CAPN9: variants seen among roughly 807,000 people sequenced by gnomAD.
CAPN9 encodes calpain-9.
Under a neutral mutation model 92.8 loss-of-function variants are expected in CAPN9, and 81 were observed. The ratio of observed to expected loss-of-function variants is 0.87; its 90% CI spans 0.73 to 1.05. The LOEUF is 1.05. Among genes scored for constraint, CAPN9 ranks in the 50% least tolerant of loss-of-function variants. The pLI, the probability that CAPN9 is intolerant of heterozygous loss-of-function variation, is 0.00. For synonymous variants in CAPN9, 304 were observed against 328.0 expected (o/e 0.93, Z 0.79); for missense variants, 848 against 866.2 (o/e 0.98, Z 0.26).
rs146018695 is a variant in CAPN9, at chr1:230,800,103, G to A, written c.2047-1467G>A. On this transcript the variant is annotated intron_variant, in intron 19 of 19. Transcript: ENST00000271971. ...TGAGGCAGGAGAATGGCATGAACCC[G>A]GGAGGTGGAGCTTACAGTGAGCCAA... 1.5e-3 allele frequency among the ~76,000 whole-genome samples: 225 copies of A among 151,026 alleles called. 1 individual carries two copies. Among genetic ancestry groups the A allele is most frequent in the African/African-American group, 4.9e-3 (203 of 41,106 alleles).
At position 230,755,396 on chromosome 1, in the gene CAPN9, G is replaced by A. The variant is rs769325541; in HGVS notation, c.273G>A (p.Gln91=). The A allele has an allele frequency of 2.5e-6, 4 of 1,607,126 alleles. No homozygotes were observed. The highest frequency in any genetic ancestry group is 3.4e-6 in the Non-Finnish European group (4 of 1,177,172). ...LGGATRTDIC[Q]GELGDCWLLA... is the part of the protein sequence containing the mutation. ...GGGCCACCAGGACTGATATCTGCCAGGGAGAGCTGGGTGAGTGTAAGTGGA... is the reference window on the plus strand; with the variant it reads ...GGGCCACCAGGACTGATATCTGCCAAGGAGAGCTGGGTGAGTGTAAGTGGA... The change falls in exon 2 of 20, where the codon CAG becomes CAA. Residue 91 remains glutamine, a synonymous_variant. Transcript: ENST00000271971.
intron 8 of CAPN9, among the ~76,000 whole-genome samples, chr1:230,777,153 G>A (rs1351986269): frequency 6.6e-6 from 1 of 152,220 alleles, no homozygotes; most frequent in Non-Finnish European, 1.5e-5. Context: ...AGAAACCAGA[G>A]TTTGAGAGGC....
Position 230,795,602 on chromosome 1 carries a change from C to T in CAPN9, c.1987+323C>T, listed in dbSNP as rs1668301674. The T allele has an allele frequency of 1.1e-5, 3 of 264,166 alleles. No individual in the cohort carries two copies. The South Asian group carries it at 1.3e-4, about 12-fold the overall frequency. 16.4% of individuals were successfully genotyped at this position (264,166 alleles called of 1,614,324 possible). A position where few individuals can be genotyped will look rare whatever the true frequency, so the allele number is the denominator to read the frequency against. On this transcript the variant is annotated intron_variant, in intron 18 of 19. Transcript: ENST00000271971. The stretch of plus-strand genomic sequence containing the variant: ...CAAATCCCATCATAGCATATAGAAA[C>T]AGGAGAGTCTCAGTCCCCCTTCCTC...
At chr1:230,751,577 GAAAGAAAC>G (rs1418727098) in intron 1 of CAPN9, among the ~76,000 whole-genome samples, 5 of 43,468 alleles carry the variant, frequency 1.2e-4, no homozygotes, top group African/African-American at 5.5e-4. Flanking sequence ...AAAGAAAGAA[GAAAGAAAC>G]AAAGAAAGAA....
chr1:230,752,752 C>T, intron 1 of CAPN9: 1 of 966,408 alleles, frequency 1.0e-6, no homozygotes, highest in Non-Finnish European at 1.2e-6. Flanking sequence ...GCATTGCTTG[C>T]CAGGGCTATC....
intron 15 of CAPN9, 64 bp downstream of exon 15, chr1:230,791,992 A>AG: frequency 8.7e-7 from 1 of 1,149,228 alleles, no homozygotes; most frequent in East Asian, 2.3e-5. Flanking sequence ...CAGTAGAGTA[A>AG]TCTTCAATAG....
intron 11 of CAPN9, among the ~76,000 whole-genome samples, chr1:230,782,351 G>A (rs1667279819): frequency 6.6e-6 from 1 of 152,204 alleles, no homozygotes; most frequent in Non-Finnish European, 1.5e-5. Flanking sequence ...AAAGGGTTAT[G>A]TTATGGATGC....
intron 17 of CAPN9, 70 bp downstream of exon 17, chr1:230,792,998 T>C: frequency 1.7e-6 from 2 of 1,155,166 alleles, no homozygotes; most frequent in Non-Finnish European, 2.6e-6. Context: ...CCTGAGCAGA[T>C]GGCAGGTCTT....
intron 8 of CAPN9, 106 bp from the exon 9 acceptor site, chr1:230,778,867 G>A: frequency 9.2e-7 from 1 of 1,085,162 alleles, no homozygotes; most frequent in Non-Finnish European, 1.3e-6. Context: ...CTTGCGGACA[G>A]GAACAAGATG....
At chr1:230,754,148 G>T (rs1024952379) in intron 1 of CAPN9, among the ~76,000 whole-genome samples, 9 of 152,030 alleles carry the variant, frequency 5.9e-5, no homozygotes, top group African/African-American at 2.2e-4. Context: ...AAGGGGCGGG[G>T]CTTCCGAGAG....
chr1:230,755,393 C>G lies in CAPN9; in HGVS notation c.270C>G (p.Cys90Trp). ...GAGGGGCCACCAGGACTGATATCTG[C>G]CAGGGAGAGCTGGGTGAGTGTAAGT... ...ILGGATRTDI[C>W]QGELGDCWLL... Residue 90 changes from cysteine to tryptophan, a missense_variant, in exon 2 of 20, where the codon TGC becomes TGG. Cys to Trp is a radical substitution (Grantham distance 215, BLOSUM62 -2). Coordinates refer to ENST00000271971, the MANE Select transcript of CAPN9 (RefSeq NM_006615.3). 6.2e-7 allele frequency: 1 copy of G among 1,606,566 alleles called. No individual in the cohort carries two copies. The highest frequency in any genetic ancestry group is 8.5e-7 in the Non-Finnish European group (1 of 1,176,898).
Position 230,780,568 on chromosome 1 carries a change from G to A in CAPN9, c.1341G>A (p.Lys447=). 6.2e-7 allele frequency: 1 copy of A among 1,614,208 alleles called. No individual in the cohort carries two copies. Among genetic ancestry groups the A allele is most frequent in the Non-Finnish European group, 8.5e-7 (1 of 1,180,052 alleles). The change falls in exon 11 of 20, where the codon AAG becomes AAA. Residue 447 remains lysine, a synonymous_variant. Transcript: ENST00000271971. ...ACCACGCTTCTCGGGCCAGAAGCAA[G>A]ACGTTCATCAACCTGAGAGAAGTCT... ...FRYHASRARS[K]TFINLREVSD...
rs770316188 is a variant in CAPN9 at position 230,747,711 on chromosome 1, T to A, written c.213+2T>A. The A allele has an allele frequency of 6.2e-7, 1 of 1,612,928 alleles. No individual in the cohort carries two copies. The highest frequency in any genetic ancestry group is 8.5e-7 in the Non-Finnish European group (1 of 1,179,394). On this transcript the variant is annotated splice_donor_variant, in intron 1 of 19. Transcript: ENST00000271971. LOFTEE classifies it high-confidence loss of function. The stretch of plus-strand genomic sequence containing the variant: ...CCCTTTGTGTGGAAACGACCAGGGG[T>A]GAGTGGGGCGAGCAGGGGAAGGAGC...
intron 18 of CAPN9, among the ~76,000 whole-genome samples, chr1:230,796,944 A>T (rs1299439631): frequency 2.0e-5 from 3 of 152,214 alleles, no homozygotes; most frequent in African/African-American, 4.8e-5. Flanking sequence ...ATTACCAAGG[A>T]TGGAGCTTTG....
intron 2 of CAPN9, among the ~76,000 whole-genome samples, chr1:230,758,187 C>T (rs1665378523): frequency 6.6e-6 from 1 of 152,166 alleles, no homozygotes; most frequent in South Asian, 2.1e-4. Context: ...TCATTTTCCT[C>T]AACTGGGCAA....
chr1:230,756,821 A>G (rs1665254116), intron 2 of CAPN9, among the ~76,000 whole-genome samples: 1 of 152,144 alleles, frequency 6.6e-6, no homozygotes, highest in African/African-American at 2.4e-5. Flanking sequence ...GCATGACCAT[A>G]GTTCCAGCTA....
chr1:230,767,825 T>C, intron 5 of CAPN9, 116 bp downstream of exon 5: 1 of 938,114 alleles, frequency 1.1e-6, no homozygotes, highest in Non-Finnish European at 1.6e-6. Flanking sequence ...GGGGCATAAC[T>C]CTTGGGGGCA....
At chr1:230,770,839 T>G (rs1413716998) in intron 6 of CAPN9, among the ~76,000 whole-genome samples, 1 of 152,120 alleles carries the variant, frequency 6.6e-6, no homozygotes, top group Non-Finnish European at 1.5e-5. Context: ...CACCCACCTT[T>G]TGAGTGACAT....
At chr1:230,749,058 T>C (rs1464168595) in intron 1 of CAPN9, among the ~76,000 whole-genome samples, 1 of 152,190 alleles carries the variant, frequency 6.6e-6, no homozygotes, top group Non-Finnish European at 1.5e-5. Context: ...GGTGGGTGAC[T>C]GCATGCATAG....
Sources: allele counts gnomAD v4.1 joint callset (sites outside exome capture counted in the v4.1 genomes callset), GRCh38; gene constraint gnomAD v4.1.1; transcripts MANE v1.5; gene names NCBI Gene and HGNC (gene_info 2026-07-23, HGNC 2026-07-21).